The following DMD variants were observed in gnomAD, a reference collection of about 807,000 sequenced individuals.
DMD encodes the protein dystrophin.
Under a neutral mutation model 330.1 loss-of-function variants are expected in DMD, and 63 were observed. The ratio of observed to expected loss-of-function variants is 0.19; its 90% CI spans 0.16 to 0.24. DMD has a LOEUF of 0.24. Among genes scored for constraint, DMD ranks in the 10% least tolerant of loss-of-function variants. The probability of loss-of-function intolerance (pLI) is 1.00; values close to 1 mark genes in which losing one functional copy is unlikely to be tolerated. For synonymous variants in DMD, 1,223 were observed against 959.8 expected (o/e 1.27, Z -5.07); for missense variants, 3,344 against 2,684.1 (o/e 1.25, Z -5.43).
intron 63 of DMD, among the ~76,000 whole-genome samples, chrX:31,233,671 T>G (rs989330693): frequency 8.9e-6 from 1 of 112,169 alleles, no homozygotes; most frequent in Non-Finnish European, 1.9e-5. Flanking sequence ...ACCTCATCTT[T>G]TGCCCCTTCC....
chrX:32,779,701 G>T (rs35991080), intron 7 of DMD, among the ~76,000 whole-genome samples: 5,825 of 86,459 alleles, frequency 0.067, 742 homozygotes, highest in African/African-American at 0.25. Flanking sequence ...TACGGCCTGT[G>T]GTGGGGTGGG....
At chrX:33,336,059 T>C (rs1226598008) in intron 1 of DMD, among the ~76,000 whole-genome samples, 7 of 111,039 alleles carry the variant, frequency 6.3e-5, no homozygotes, top group African/African-American at 2.3e-4. Context: ...TGTCAGTTAC[T>C]CCCAGTGAAG....
At chrX:32,085,675 C>CATATAT (rs61446734) in intron 44 of DMD, among the ~76,000 whole-genome samples, 1 of 55,234 alleles carries the variant, frequency 1.8e-5, no homozygotes, top group African/African-American at 7.2e-5. Flanking sequence ...TATATATACA[C>CATATAT]ACGCGTATAT....
intron 44 of DMD, among the ~76,000 whole-genome samples, chrX:32,049,790 T>A (rs1393315156): frequency 8.9e-6 from 1 of 111,763 alleles, no homozygotes; most frequent in Non-Finnish European, 1.9e-5. Context: ...TAACAATTAG[T>A]TGGATGAGGT....
intron 9 of DMD, among the ~76,000 whole-genome samples, chrX:32,673,808 C>G (rs1300153090): frequency 8.9e-6 from 1 of 112,088 alleles, no homozygotes; most frequent in Non-Finnish European, 1.9e-5. Flanking sequence ...AGCACAGAGG[C>G]CTCTTAAAGA....
At chrX:32,370,601 G>A (rs1441057796) in intron 34 of DMD, among the ~76,000 whole-genome samples, 1 of 110,374 alleles carries the variant, frequency 9.1e-6, no homozygotes, top group Non-Finnish European at 1.9e-5. Flanking sequence ...TATTTTCTAA[G>A]TAACAGCTGC....
intron 44 of DMD, among the ~76,000 whole-genome samples, chrX:32,049,715 A>G (rs1380274100): frequency 2.7e-5 from 3 of 111,674 alleles, no homozygotes; most frequent in Admixed American, 9.5e-5. Flanking sequence ...CTCCTCTAGT[A>G]TAAGGACTCA....
intron 7 of DMD, among the ~76,000 whole-genome samples, chrX:32,784,730 A>G (rs1304549859): frequency 8.9e-6 from 1 of 111,914 alleles, no homozygotes; most frequent in Non-Finnish European, 1.9e-5. Context: ...AAAATCCCAT[A>G]TAAGAATTAT....
At chrX:31,170,090 G>C in intron 73 of DMD, among the ~76,000 whole-genome samples, 1 of 111,523 alleles carries the variant, frequency 9.0e-6, no homozygotes, top group Non-Finnish European at 1.9e-5. Context: ...TATTGCTTCA[G>C]TAAGTCAGTT....
At chrX:32,103,429 A>G (rs929810357) in intron 44 of DMD, among the ~76,000 whole-genome samples, 1 of 111,528 alleles carries the variant, frequency 9.0e-6, no homozygotes, top group African/African-American at 3.3e-5. Context: ...ACTTAGCTGA[A>G]AACAAAAGCG....
At chrX:32,995,639 T>C (rs921171275) in intron 2 of DMD, among the ~76,000 whole-genome samples, 3 of 112,223 alleles carry the variant, frequency 2.7e-5, no homozygotes, top group Non-Finnish European at 3.8e-5. Flanking sequence ...TACCCTGAGA[T>C]AGGCCAAGTG....
intron 11 of DMD, among the ~76,000 whole-genome samples, chrX:32,638,018 T>C (rs2059211338): frequency 8.9e-6 from 1 of 112,020 alleles, no homozygotes; most frequent in South Asian, 3.8e-4. Flanking sequence ...GTATTATTAG[T>C]ACAAGAGATG....
At chrX:31,223,204 A>G (rs1229863599) in intron 63 of DMD, 83 bp from the exon 64 acceptor site, 3 of 843,875 alleles carry the variant, frequency 3.6e-6, no homozygotes, top group South Asian at 2.1e-5. Flanking sequence ...TGATTTGCCA[A>G]TAACTACAAC....
chrX:31,585,051 G>A (rs1351221449), intron 55 of DMD, among the ~76,000 whole-genome samples: 1 of 110,458 alleles, frequency 9.1e-6, no homozygotes, highest in African/African-American at 3.3e-5. Flanking sequence ...ATGAGGCGCG[G>A]TGGCTCACAC....
chrX:32,325,030 G>GATAAAATTA (rs1426512433), intron 41 of DMD, among the ~76,000 whole-genome samples: 2 of 110,861 alleles, frequency 1.8e-5, no homozygotes, highest in Non-Finnish European at 3.8e-5. Flanking sequence ...ACATTACCTG[G>GATAAAATTA]GAACATGTTT....
chrX:31,840,425 A>T (rs752559275), intron 48 of DMD, among the ~76,000 whole-genome samples: 1 of 110,984 alleles, frequency 9.0e-6, no homozygotes, highest in Non-Finnish European at 1.9e-5. Context: ...ATCAACATAT[A>T]TGTATAATAT....
intron 9 of DMD, among the ~76,000 whole-genome samples, chrX:32,645,568 C>G (rs1305941942): frequency 9.0e-6 from 1 of 111,283 alleles, no homozygotes; most frequent in African/African-American, 3.3e-5. Context: ...TCCTGAGAGG[C>G]CCTAGGTAAT....
intron 76 of DMD, among the ~76,000 whole-genome samples, chrX:31,144,374 A>G (rs889179372): frequency 1.4e-4 from 16 of 112,015 alleles, no homozygotes; most frequent in Admixed American, 4.7e-4. Context: ...CCTACCCCTC[A>G]GTGATCTCCA....
At position 33,335,173 on chromosome X, in the gene DMD, A is replaced by G. The variant is rs769825487; in HGVS notation, c.7+4086T>C. Among the ~76,000 whole-genome samples the G allele has an allele frequency of 4.6e-4, 51 of 110,343 alleles. 2 individuals are homozygous for G. In the South Asian group the frequency reaches 0.019, roughly 41 times the overall value. ...AGCATTCAGACACTTTTCACTGAAC[A>G]TACCCCCAAATGTTAAGGTTCCTCT... On this transcript the variant is annotated intron_variant, in intron 1 of 17. Coordinates refer to the DMD transcript ENST00000288447.
Sources: gnomAD v4.1 joint callset for allele counts (sites outside exome capture counted in the v4.1 genomes callset) on GRCh38, gnomAD v4.1.1 for gene constraint, MANE v1.5 for transcripts, NCBI Gene and HGNC (gene_info 2026-07-23, HGNC 2026-07-21) for gene names.